Variants in CNTNAP2 observed in about 807,000 individuals in gnomAD.
CNTNAP2 encodes the protein contactin associated protein 2.
Under a neutral mutation model 155.2 loss-of-function variants are expected in CNTNAP2, and 98 were observed. The ratio of observed to expected loss-of-function variants is 0.63; its 90% CI spans 0.54 to 0.75. The LOEUF (loss-of-function observed/expected upper bound fraction) is 0.75, where lower values mean the gene tolerates loss of function less well. CNTNAP2 is among the 30% of genes least tolerant of loss of function. The pLI is 0.00. For missense variants in CNTNAP2, 1,727 were observed against 1,688.1 expected, an observed-to-expected ratio of 1.02 and a Z score of -0.40; for synonymous variants, 651 against 631.2, an observed-to-expected ratio of 1.03 and a Z score of -0.47.
chr7:147,632,276 A>T (rs1402839009), intron 12 of CNTNAP2, among the ~76,000 whole-genome samples: 1 of 152,132 alleles, frequency 6.6e-6, no homozygotes, highest in African/African-American at 2.4e-5. Flanking sequence ...CCACAATGAG[A>T]TACCACCTGA....
intron 1 of CNTNAP2, among the ~76,000 whole-genome samples, chr7:146,253,079 C>A (rs1406656256): frequency 1.3e-5 from 2 of 152,268 alleles, no homozygotes; most frequent in South Asian, 4.1e-4. Flanking sequence ...CCACAATACT[C>A]AAAAATGGTG....
chr7:147,082,524 CTAAAG>C, intron 4 of CNTNAP2: 1 of 152,318 alleles, frequency 6.6e-6, no homozygotes, highest in East Asian at 1.9e-4. Flanking sequence ...ATTTGTATCA[CTAAAG>C]TAAAGCTCAC....
intron 8 of CNTNAP2, among the ~76,000 whole-genome samples, chr7:147,159,488 C>T (rs988536009): frequency 1.3e-5 from 2 of 151,996 alleles, no homozygotes; most frequent in African/African-American, 2.4e-5. Context: ...GATTTGGATG[C>T]AATCTTTTAA....
chr7:148,099,868 G>GTTTTTTTTTTTTTTTTTTTTTTTTTTTT (rs751537152), intron 15 of CNTNAP2, among the ~76,000 whole-genome samples: 1 of 88,806 alleles, frequency 1.1e-5, no homozygotes, highest in Non-Finnish European at 2.0e-5. Flanking sequence ...TTTTTTTTTG[G>GTTTTTTTTTTTTTTTTTTTTTTTTTTTT]TTTTTTTTTT....
chr7:146,357,445 C>A (rs188091569), intron 1 of CNTNAP2, among the ~76,000 whole-genome samples: 1 of 152,020 alleles, frequency 6.6e-6, no homozygotes, highest in Non-Finnish European at 1.5e-5. Flanking sequence ...AAGATCATAT[C>A]TTATCATATA....
intron 1 of CNTNAP2, among the ~76,000 whole-genome samples, chr7:146,661,147 A>G (rs80324779): frequency 0.044 from 6,745 of 152,174 alleles, 223 homozygotes; most frequent in African/African-American, 0.084. Context: ...GTTTCTCCCA[A>G]AAACACACTC....
intron 15 of CNTNAP2, among the ~76,000 whole-genome samples, chr7:148,110,423 T>C (rs36106364): frequency 0.043 from 6,566 of 151,870 alleles, 232 homozygotes; most frequent in Admixed American, 0.11. Context: ...TCACTTCCTG[T>C]CATCACTCCC....
At chr7:148,063,363 A>T (rs1803193316) in intron 15 of CNTNAP2, among the ~76,000 whole-genome samples, 1 of 151,940 alleles carries the variant, frequency 6.6e-6, no homozygotes, top group Non-Finnish European at 1.5e-5. Context: ...TCACTCTCCC[A>T]ACCCCCACTT....
chr7:147,634,718 A>T (rs545430941), intron 12 of CNTNAP2, among the ~76,000 whole-genome samples: 1 of 152,280 alleles, frequency 6.6e-6, no homozygotes, highest in South Asian at 2.1e-4. Context: ...AATCTTTCCA[A>T]AATATAATTT....
chr7:146,963,990 G>C (rs1278750707), intron 3 of CNTNAP2, among the ~76,000 whole-genome samples: 2 of 151,986 alleles, frequency 1.3e-5, no homozygotes, highest in Non-Finnish European at 2.9e-5. Flanking sequence ...TGGAAGATTA[G>C]AAAACTCTGA....
chr7:147,919,693 C>G (rs549867790), intron 14 of CNTNAP2, among the ~76,000 whole-genome samples: 1 of 151,222 alleles, frequency 6.6e-6, no homozygotes, highest in African/African-American at 2.4e-5. Flanking sequence ...CTCCTGAACT[C>G]GTGATCCGCC....
intron 15 of CNTNAP2, among the ~76,000 whole-genome samples, chr7:148,021,367 G>A (rs1802276474): frequency 6.6e-6 from 1 of 152,182 alleles, no homozygotes; most frequent in Non-Finnish European, 1.5e-5. Flanking sequence ...TTGTAAACAG[G>A]TAAGTAAAAT....
chr7:147,893,838 G>C (rs1404743766), intron 13 of CNTNAP2, among the ~76,000 whole-genome samples: 1 of 152,182 alleles, frequency 6.6e-6, no homozygotes, highest in Non-Finnish European at 1.5e-5. Context: ...TGTAAAAGAA[G>C]AGGAAGCTGT....
intron 1 of CNTNAP2, among the ~76,000 whole-genome samples, chr7:146,271,433 C>A (rs1800081143): frequency 6.6e-6 from 1 of 151,748 alleles, no homozygotes; most frequent in Admixed American, 6.6e-5. Context: ...TATTTTAATT[C>A]TTATCTAATT....
At chr7:146,594,706 C>A (rs1288226961) in intron 1 of CNTNAP2, among the ~76,000 whole-genome samples, 1 of 151,964 alleles carries the variant, frequency 6.6e-6, no homozygotes, top group Admixed American at 6.6e-5. Flanking sequence ...AATAAATTAC[C>A]AATCCTCTGT....
At chr7:146,748,741 T>C (rs1431504425) in intron 1 of CNTNAP2, among the ~76,000 whole-genome samples, 1 of 152,194 alleles carries the variant, frequency 6.6e-6, no homozygotes, top group African/African-American at 2.4e-5. Flanking sequence ...AAATAAACTT[T>C]GTGGTCAAAC....
At chr7:147,064,965 A>C (rs1799751180) in intron 4 of CNTNAP2, among the ~76,000 whole-genome samples, 1 of 152,162 alleles carries the variant, frequency 6.6e-6, no homozygotes, top group African/African-American at 2.4e-5. Flanking sequence ...TGAAAAATAA[A>C]ATGCTGAGTA....
intron 14 of CNTNAP2, among the ~76,000 whole-genome samples, chr7:147,977,564 T>G (rs1801451154): frequency 6.6e-6 from 1 of 152,176 alleles, no homozygotes; most frequent in South Asian, 2.1e-4. Context: ...GCTCAGGGTT[T>G]GACATGCTGT....
intron 1 of CNTNAP2, among the ~76,000 whole-genome samples, chr7:146,269,365 A>G (rs961591290): frequency 2.0e-5 from 3 of 151,320 alleles, no homozygotes; most frequent in African/African-American, 7.4e-5. Context: ...CAATCAATCA[A>G]TCAATTAGGG....
Sources: gnomAD v4.1 joint callset for allele counts (sites outside exome capture counted in the v4.1 genomes callset) on GRCh38, gnomAD v4.1.1 for gene constraint, MANE v1.5 for transcripts, NCBI Gene and HGNC (gene_info 2026-07-23, HGNC 2026-07-21) for gene names.